The following DNAJB14 variants were observed in gnomAD, a reference collection of about 807,000 sequenced individuals.
The protein encoded by DNAJB14 is DnaJ heat shock protein family (Hsp40) member B14.
A neutral mutation model predicts 48.4 loss-of-function variants in DNAJB14; 22 were observed. That is an observed-to-expected ratio of 0.45 (90% CI 0.32 to 0.65). The LOEUF (loss-of-function observed/expected upper bound fraction) is 0.65. Among genes scored for constraint, DNAJB14 ranks in the 30% least tolerant of loss-of-function variants. The probability of loss-of-function intolerance (pLI) is 0.03; values close to 1 mark genes in which losing one functional copy is unlikely to be tolerated. For missense variants in DNAJB14, 319 were observed against 458.8 expected, an observed-to-expected ratio of 0.70 and a Z score of 2.78; for synonymous variants, 142 against 158.7, an observed-to-expected ratio of 0.89 and a Z score of 0.79.
chr4:99,946,271 G>A (rs1486049011), intron 1 of DNAJB14, among the ~76,000 whole-genome samples, 168 bp downstream of exon 1: 1 of 152,170 alleles, frequency 6.6e-6, no homozygotes, highest in Non-Finnish European at 1.5e-5. Context: ...CGGGGCTGGG[G>A]CCAGGGCGGG....
chr4:99,930,605 A>G lies in DNAJB14; in HGVS notation c.150T>C (p.Ile50=). The change falls in exon 2 of 8, where the codon ATT becomes ATC. Residue 50 remains isoleucine, a synonymous_variant. Coordinates refer to ENST00000442697, the MANE Select transcript of DNAJB14 (RefSeq NM_001031723.4). ...LPSARALLEI[I]MKNGSTAGNS... is the part of the protein sequence containing the mutation. ...TTCCAGCCGTGCTTCCATTTTTCATAATTATTTCCAATAGTGCTGTAGAAA... is the reference window on the plus strand; with the variant it reads ...TTCCAGCCGTGCTTCCATTTTTCATGATTATTTCCAATAGTGCTGTAGAAA... 1 of 1,610,686 alleles carries G rather than the reference A, an allele frequency of 6.2e-7. No individual in the cohort carries two copies. Among genetic ancestry groups the G allele is most frequent in the Non-Finnish European group, 8.5e-7 (1 of 1,178,298 alleles).
Position 99,903,719 on chromosome 4 carries a change from A to G in DNAJB14, c.1015+7T>C, listed in dbSNP as rs749827989. On this transcript the variant is annotated splice_region_variant and intron_variant, in intron 7 of 7. Transcript: ENST00000442697. ...GTTTTAAAATGTTAAACACATGACA[A>G]ACTTACTTTGTTGTCTTTCTTTCCA... is the stretch of plus-strand genomic sequence containing the variant. 2 of 1,604,890 alleles carry G rather than the reference A, an allele frequency of 1.2e-6. No individual in the cohort carries two copies. Among genetic ancestry groups the G allele is most frequent in the East Asian group, 2.2e-5 (1 of 44,714 alleles).
chr4:99,915,140 A>G (rs1292879893), intron 3 of DNAJB14, among the ~76,000 whole-genome samples: 1 of 152,128 alleles, frequency 6.6e-6, no homozygotes, highest in Non-Finnish European at 1.5e-5. Flanking sequence ...TCATGTTACA[A>G]GTTTCCTCTC....
At chr4:99,904,561 T>TATTATATGAGATGAGAATAAA (rs999542039) in intron 6 of DNAJB14, among the ~76,000 whole-genome samples, 1 of 152,128 alleles carries the variant, frequency 6.6e-6, no homozygotes, top group Non-Finnish European at 1.5e-5. Flanking sequence ...TCTCATAAAA[T>TATTATATGAGATGAGAATAAA]ATATGCAAAT....
intron 3 of DNAJB14, among the ~76,000 whole-genome samples, chr4:99,912,712 C>G (rs1725709413): frequency 6.6e-6 from 1 of 152,174 alleles, no homozygotes; most frequent in Admixed American, 6.5e-5. Context: ...CTCCCGATCT[C>G]AGGTGATCTG....
At position 99,923,201 on chromosome 4, in the gene DNAJB14, TG is replaced by T. The variant is rs1560740140; in HGVS notation, c.306-17del. 2 of 1,579,362 alleles carry T rather than the reference TG, an allele frequency of 1.3e-6. No homozygotes were observed. Among genetic ancestry groups the T allele is most frequent in the Non-Finnish European group, 1.7e-6 (2 of 1,164,108 alleles). On this transcript the variant is annotated splice_polypyrimidine_tract_variant and intron_variant, in intron 2 of 7. Transcript: ENST00000442697. ...TTTGTTTATGCTGTGAACAAGAGAG[TG>T]TGTTATAATGTAAATTTCAAGGAAG...
intron 1 of DNAJB14, among the ~76,000 whole-genome samples, chr4:99,937,924 A>T (rs1322539451): frequency 2.6e-5 from 3 of 114,066 alleles, no homozygotes; most frequent in South Asian, 2.9e-4. Flanking sequence ...CTATTTATTT[A>T]AAAAAAAAAA....
chr4:99,935,709 T>C (rs1726649310), intron 1 of DNAJB14, among the ~76,000 whole-genome samples: 1 of 152,216 alleles, frequency 6.6e-6, no homozygotes, highest in Non-Finnish European at 1.5e-5. Flanking sequence ...TTCCCTTCTT[T>C]TTCCTTTTGG....
chr4:99,934,786 T>A, intron 1 of DNAJB14, among the ~76,000 whole-genome samples: 3 of 35,196 alleles, frequency 8.5e-5, no homozygotes, highest in Non-Finnish European at 1.5e-4. Context: ...AGCAAGACTG[T>A]CTCAAAAAAA....
At chr4:99,937,810 G>A (rs1394722965) in intron 1 of DNAJB14, among the ~76,000 whole-genome samples, 1 of 151,538 alleles carries the variant, frequency 6.6e-6, no homozygotes, top group Non-Finnish European at 1.5e-5. Context: ...GCTGGGCATG[G>A]TGGCTCATGC....
chr4:99,915,391 C>T (rs1725819376), intron 3 of DNAJB14, among the ~76,000 whole-genome samples: 1 of 152,156 alleles, frequency 6.6e-6, no homozygotes, highest in African/African-American at 2.4e-5. Context: ...CCCACCTCGG[C>T]CTCCCAAAGT....
intron 1 of DNAJB14, among the ~76,000 whole-genome samples, chr4:99,935,779 C>A (rs1726652318): frequency 6.6e-6 from 1 of 152,110 alleles, no homozygotes; most frequent in African/African-American, 2.4e-5. Flanking sequence ...ACTCAAGAGA[C>A]AGTCATGGCC....
rs1725234347 is a variant in DNAJB14, at chr4:99,899,737, A to T, written c.*1291T>A. ...TTAAAATATTACAACTGCTAAACAC[A>T]GAAGACTAGAAATCAAATAGTTTCA... On this transcript the variant is annotated 3_prime_UTR_variant, in exon 8 of 8. Coordinates refer to ENST00000442697, the MANE Select transcript of DNAJB14 (RefSeq NM_001031723.4). 1 of 152,268 alleles carries T rather than the reference A, an allele frequency of 6.6e-6. No homozygotes were observed. The highest frequency in any genetic ancestry group is 1.5e-5 in the Non-Finnish European group (1 of 67,872). 9.4% of individuals were successfully genotyped at this position (152,268 alleles called of 1,614,324 possible).
At chr4:99,930,243 G>C (rs921447891) in intron 2 of DNAJB14, 1 of 393,520 alleles carries the variant, frequency 2.5e-6, no homozygotes, top group African/African-American at 2.1e-5. Flanking sequence ...TTTGTAACTT[G>C]AGGTTACTTT....
Position 99,905,665 on chromosome 4 carries a change from T to C in DNAJB14, c.774A>G (p.Val258=). The stretch of plus-strand genomic sequence containing the variant: ...GGCTTAATAATGACACGAGGATCAA[T>C]ACAATTATGGGCATCAGCTGGATAA... The part of the protein sequence containing the change: ...SVFIQLMPII[V]LILVSLLSQL... The change falls in exon 6 of 8, where the codon GTA becomes GTG. Residue 258 remains valine (V), a synonymous_variant. Transcript: ENST00000442697. The C allele has an allele frequency of 1.2e-6, 2 of 1,612,580 alleles. No homozygotes were observed. The highest frequency in any genetic ancestry group is 1.1e-5 in the South Asian group (1 of 91,006).
intron 3 of DNAJB14, among the ~76,000 whole-genome samples, chr4:99,913,455 A>T (rs1055588037): frequency 1.3e-5 from 2 of 151,948 alleles, no homozygotes; most frequent in African/African-American, 4.8e-5. Flanking sequence ...TTTTTCTTTA[A>T]TTAATGTGGT....
At chr4:99,943,687 A>G (rs1726962250) in intron 1 of DNAJB14, among the ~76,000 whole-genome samples, 1 of 152,194 alleles carries the variant, frequency 6.6e-6, no homozygotes, top group African/African-American at 2.4e-5. Context: ...TAGTAGGTGG[A>G]GTCAGACTTC....
chr4:99,937,578 T>C (rs1371813748), intron 1 of DNAJB14, among the ~76,000 whole-genome samples: 3 of 149,216 alleles, frequency 2.0e-5, no homozygotes, highest in African/African-American at 7.4e-5. Context: ...ACACAAAAAT[T>C]AGCCAGGCAT....
At chr4:99,935,404 T>C (rs1161660650) in intron 1 of DNAJB14, among the ~76,000 whole-genome samples, 3 of 152,176 alleles carry the variant, frequency 2.0e-5, no homozygotes, top group African/African-American at 7.2e-5. Flanking sequence ...ATGAACTGTT[T>C]TCAACATTCT....
Sources: allele counts gnomAD v4.1 joint callset (sites outside exome capture counted in the v4.1 genomes callset), GRCh38; gene constraint gnomAD v4.1.1; transcripts MANE v1.5; gene names NCBI Gene and HGNC (gene_info 2026-07-23, HGNC 2026-07-21).